Variants in ELAPOR2 observed in about 807,000 individuals in gnomAD.
The protein encoded by ELAPOR2 is endosome/lysosome-associated apoptosis and autophagy regulator family member 2.
Under a neutral mutation model 120.7 loss-of-function variants are expected in ELAPOR2, and 89 were observed. The observed-to-expected ratio is 0.74, with a 90% CI of 0.62 to 0.88. The LOEUF (loss-of-function observed/expected upper bound fraction) is 0.88. ELAPOR2 is among the 40% of genes least tolerant of loss of function. The probability of loss-of-function intolerance (pLI) is 0.00; values close to 1 mark genes in which losing one functional copy is unlikely to be tolerated. For missense variants in ELAPOR2, 1,134 were observed against 1,251.6 expected (o/e 0.91, Z 1.42); for synonymous variants, 444 against 444.9 (o/e 1.00, Z 0.03).
At chr7:86,950,973 T>C (rs1255384423) in intron 2 of ELAPOR2, among the ~76,000 whole-genome samples, 1 of 152,246 alleles carries the variant, frequency 6.6e-6, no homozygotes, top group African/African-American at 2.4e-5. Flanking sequence ...AACACAGTTA[T>C]GGAAAACTGC....
At chr7:87,020,651 C>T (rs1427243848) in intron 1 of ELAPOR2, among the ~76,000 whole-genome samples, 1 of 152,028 alleles carries the variant, frequency 6.6e-6, no homozygotes, top group Non-Finnish European at 1.5e-5. Context: ...CAGGGTTTTA[C>T]TTTGGAATTA....
chr7:86,981,785 T>C (rs28378641), intron 1 of ELAPOR2, among the ~76,000 whole-genome samples: 8,059 of 152,260 alleles, frequency 0.053, 377 homozygotes, highest in African/African-American at 0.12. Flanking sequence ...CTAAGGTACC[T>C]GGTTCATCTC....
intron 20 of ELAPOR2, 29 bp from the exon 21 acceptor site, chr7:86,891,918 T>A (rs1407379315): frequency 3.0e-6 from 4 of 1,353,488 alleles, no homozygotes; most frequent in Non-Finnish European, 4.1e-6. Flanking sequence ...AATAAACAAA[T>A]AAGTATCCAT....
At chr7:87,053,894 A>T (rs746771000) in intron 1 of ELAPOR2, among the ~76,000 whole-genome samples, 54 of 152,138 alleles carry the variant, frequency 3.5e-4, no homozygotes, top group Non-Finnish European at 1.8e-4. Flanking sequence ...GCCCCTAACT[A>T]GGATGGCTAT....
At chr7:87,027,208 T>C (rs1308619576) in intron 1 of ELAPOR2, among the ~76,000 whole-genome samples, 3 of 152,164 alleles carry the variant, frequency 2.0e-5, no homozygotes, top group African/African-American at 7.2e-5. Flanking sequence ...AGTTTCCTTC[T>C]ACTAGCTTGC....
Position 86,893,105 on chromosome 7 carries a change from A to T in ELAPOR2, c.2686-5T>A, listed in dbSNP as rs768715253. ...ATTCCACACATACAAGGTTTCCTTT[A>T]AAAAAAAAAACATAAAACCATAGAA... On this transcript the variant is annotated splice_polypyrimidine_tract_variant and splice_region_variant and intron_variant, in intron 19 of 21. Coordinates refer to ENST00000450689, the MANE Select transcript of ELAPOR2 (RefSeq NM_001142749.3). 18 of 1,215,452 alleles carry T rather than the reference A, an allele frequency of 1.5e-5. No homozygotes were observed. The East Asian group carries it at 1.9e-4, about 13-fold the overall frequency. 75.3% of individuals were successfully genotyped at this position (1,215,452 alleles called of 1,614,324 possible). A position where few individuals can be genotyped will look rare whatever the true frequency, so the allele number is the denominator to read the frequency against.
intron 1 of ELAPOR2, among the ~76,000 whole-genome samples, chr7:87,033,730 TA>T (rs1348097154): frequency 3.3e-5 from 5 of 151,970 alleles, no homozygotes; most frequent in Admixed American, 3.3e-4. Context: ...GAAAGAAAAT[TA>T]AGTGCCACCA....
intron 2 of ELAPOR2, 49 bp from the exon 3 acceptor site, chr7:86,947,971 T>C: frequency 7.8e-7 from 1 of 1,281,322 alleles, no homozygotes; most frequent in Non-Finnish European, 1.1e-6. Flanking sequence ...CCCATCAATT[T>C]CCTCCCCTTC....
Position 86,891,830 on chromosome 7 carries a change from G to A in ELAPOR2, c.2924C>T (p.Pro975Leu), listed in dbSNP as rs781742657. Residue 975 changes from proline to leucine, a missense_variant, in exon 21 of 22, where the codon CCG becomes CTG. By Grantham distance (98) the Pro-to-Leu change is moderately conservative (BLOSUM62 -3). This residue lies in a region of ELAPOR2 where 831 missense variants were observed against 867.6 expected (regional missense o/e 0.96). Coordinates refer to ENST00000450689, the MANE Select transcript of ELAPOR2 (RefSeq NM_001142749.3). Reference sequence around the variant, plus strand: ...CATGATAGCACAACTGTCTGCAGCCGGGAGTTCACACTCTTTTGAGTTAGT... The same window carrying A: ...CATGATAGCACAACTGTCTGCAGCCAGGAGTTCACACTCTTTTGAGTTAGT... ...MTTNSKECEL[P>L]AADSCAIMEG... 1.4e-5 allele frequency: 23 copies of A among 1,611,204 alleles called. No homozygotes were observed. Among genetic ancestry groups the A allele is most frequent in the East Asian group, 6.7e-5 (3 of 44,744 alleles).
chr7:87,049,196 T>C (rs1471591753), intron 1 of ELAPOR2, among the ~76,000 whole-genome samples: 1 of 152,210 alleles, frequency 6.6e-6, no homozygotes, highest in Non-Finnish European at 1.5e-5. Context: ...AATTAAAATA[T>C]ACATTATTAT....
rs144973593 is a variant in ELAPOR2, at chr7:86,957,740, G to A, written c.310+7164C>T. ...TACTACCAGGTATGATGTTAGGTACGAAGCTACTCAGGAAGTGGAGGCAGG... is the reference window on the plus strand; with the variant it reads ...TACTACCAGGTATGATGTTAGGTACAAAGCTACTCAGGAAGTGGAGGCAGG... On this transcript the variant is annotated intron_variant, in intron 2 of 21. Coordinates refer to ENST00000450689, the MANE Select transcript of ELAPOR2 (RefSeq NM_001142749.3). 4.3e-4 allele frequency among the ~76,000 whole-genome samples: 65 copies of A among 152,216 alleles called. No homozygotes were observed. The East Asian group carries it at 0.011, about 27-fold the overall frequency.
At chr7:86,995,373 G>A (rs995042207) in intron 1 of ELAPOR2, among the ~76,000 whole-genome samples, 1 of 152,148 alleles carries the variant, frequency 6.6e-6, no homozygotes, top group African/African-American at 2.4e-5. Context: ...TATAAGAACA[G>A]GTAGAAGGCT....
intron 1 of ELAPOR2, among the ~76,000 whole-genome samples, chr7:87,039,626 C>T (rs373041866): frequency 6.9e-4 from 105 of 152,214 alleles, no homozygotes; most frequent in African/African-American, 2.4e-3. Flanking sequence ...CAATGTGATA[C>T]ATTGGATCAA....
chr7:86,956,323 A>G (rs1007019305), intron 2 of ELAPOR2, among the ~76,000 whole-genome samples: 1 of 152,236 alleles, frequency 6.6e-6, no homozygotes, highest in Non-Finnish European at 1.5e-5. Context: ...GGAGACACAC[A>G]AAAGAGTACA....
At chr7:86,985,238 T>C (rs1157779946) in intron 1 of ELAPOR2, among the ~76,000 whole-genome samples, 1 of 152,142 alleles carries the variant, frequency 6.6e-6, no homozygotes, top group African/African-American at 2.4e-5. Flanking sequence ...ACCAGATGGA[T>C]TCACAGCCAA....
intron 8 of ELAPOR2, among the ~76,000 whole-genome samples, chr7:86,931,383 T>A (rs1200542211): frequency 6.6e-6 from 1 of 151,936 alleles, no homozygotes; most frequent in African/African-American, 2.4e-5. Context: ...AGGAAAGATA[T>A]CAAATCTCTG....
intron 1 of ELAPOR2, among the ~76,000 whole-genome samples, chr7:87,040,862 T>TC (rs1562981542): frequency 6.6e-6 from 1 of 151,908 alleles, no homozygotes; most frequent in Non-Finnish European, 1.5e-5. Flanking sequence ...TTGAAAACTT[T>TC]GAAAAAAATT....
chr7:86,894,778 TAAGATAAATTTA>T (rs1308814017), intron 19 of ELAPOR2, among the ~76,000 whole-genome samples: 4 of 151,994 alleles, frequency 2.6e-5, no homozygotes, highest in Non-Finnish European at 5.9e-5. Context: ...GTGAGCAGGG[TAAGATAAATTTA>T]AAGATAAATT....
chr7:87,005,710 A>G (rs1001646619), intron 1 of ELAPOR2, among the ~76,000 whole-genome samples: 3 of 152,194 alleles, frequency 2.0e-5, no homozygotes, highest in African/African-American at 7.2e-5. Context: ...GGAACAACAG[A>G]ATATCCAAAT....
Sources: allele counts gnomAD v4.1 joint callset (sites outside exome capture counted in the v4.1 genomes callset), GRCh38; gene constraint gnomAD v4.1.1; regional missense constraint gnomAD v4.1.1; transcripts MANE v1.5; gene names NCBI Gene and HGNC (gene_info 2026-07-23, HGNC 2026-07-21).